ATG2B: variants seen among roughly 807,000 people sequenced by gnomAD.
ATG2B encodes the protein autophagy related 2B.
A neutral mutation model predicts 241.3 loss-of-function variants in ATG2B; 121 were observed. The observed-to-expected ratio is 0.50, with a 90% confidence interval of 0.43 to 0.58. ATG2B has a LOEUF of 0.58. ATG2B is among the 20% of genes least tolerant of loss of function. ATG2B has a pLI of 0.00. For missense variants in ATG2B, 2,306 were observed against 2,491.6 expected, an observed-to-expected ratio of 0.93 and a Z score of 1.59; for synonymous variants, 858 against 876.6, an observed-to-expected ratio of 0.98 and a Z score of 0.37.
rs1301663719 is a variant in ATG2B at position 96,341,605 on chromosome 14, C to A, written c.841G>T (p.Asp281Tyr). 1 of 1,606,320 alleles carries A rather than the reference C, an allele frequency of 6.2e-7. No individual in the cohort carries two copies. Among genetic ancestry groups the A allele is most frequent in the Non-Finnish European group, 8.5e-7 (1 of 1,175,338 alleles). The change falls in exon 6 of 42, where the codon GAC (aspartate) becomes TAC (tyrosine). Residue 281 changes from aspartate to tyrosine, a missense_variant. By Grantham distance (160) the Asp-to-Tyr change is radical (BLOSUM62 -3). Coordinates refer to ENST00000359933, the MANE Select transcript of ATG2B (RefSeq NM_018036.7). Reference sequence around the variant, plus strand: ...ATTAACCGTCCAATCTGCACTGGGTCAGAAGGTGCTATCTCTGGTAAATTT... The same window carrying A: ...ATTAACCGTCCAATCTGCACTGGGTAAGAAGGTGCTATCTCTGGTAAATTT... ...TRNLPEIAPS[D>Y]PVQIGRLIGR... is the part of the protein sequence containing the mutation.
chr14:96,292,153 A>G, intron 36 of ATG2B, 55 bp from the exon 37 acceptor site: 1 of 1,097,388 alleles, frequency 9.1e-7, no homozygotes, highest in South Asian at 1.5e-5. Context: ...AATAGGTGAA[A>G]TTAGATATAA....
Position 96,347,335 on chromosome 14 carries a change from T to C in ATG2B, c.169A>G (p.Asn57Asp), listed in dbSNP as rs896052323. The change falls in exon 2 of 42, where the codon AAT becomes GAT. Residue 57 changes from asparagine (N) to aspartate (D), a missense_variant. Transcript: ENST00000359933. ...AQVPLDKWCL[N>D]EILESADAPL... ...GCATCTGCTGACTCCAAGATCTCAT[T>C]GAGACACTAAGGAGAAAAAACAGGT... is the stretch of plus-strand genomic sequence containing the variant. 2 of 1,566,732 alleles carry C rather than the reference T, an allele frequency of 1.3e-6. No homozygotes were observed. The highest frequency in any genetic ancestry group is 8.7e-7 in the Non-Finnish European group (1 of 1,146,134).
In ATG2B at chr14:96,283,040, G is replaced by C. The variant is rs773722246; in HGVS notation, c.*2715C>G. ...AGAAGAAACACTGAGTTATCTAAAAGGCAATGTTCAGTGGTGGGCAGAAAG... is the reference window on the plus strand; with the variant it reads ...AGAAGAAACACTGAGTTATCTAAAACGCAATGTTCAGTGGTGGGCAGAAAG... On this transcript the variant is annotated 3_prime_UTR_variant, in exon 42 of 42. Coordinates refer to ENST00000359933, the MANE Select transcript of ATG2B (RefSeq NM_018036.7). The C allele has an allele frequency of 6.6e-5, 10 of 152,218 alleles. No homozygotes were observed. Among genetic ancestry groups the C allele is most frequent in the African/African-American group, 9.6e-5 (4 of 41,452 alleles). The allele number at this position is 152,218 out of a possible 1,614,324, so 9.4% of individuals were successfully genotyped here.
At chr14:96,317,491 T>C (rs1418253499) in intron 19 of ATG2B, among the ~76,000 whole-genome samples, 174 bp from the exon 20 acceptor site, 2 of 152,222 alleles carry the variant, frequency 1.3e-5, no homozygotes, top group East Asian at 3.8e-4. Flanking sequence ...GTGCACACTA[T>C]CATTCTAAAG....
chr14:96,334,327 G>A, intron 7 of ATG2B, 78 bp downstream of exon 7: 1 of 837,106 alleles, frequency 1.2e-6, no homozygotes, highest in Non-Finnish European at 1.9e-6. Flanking sequence ...TTTCCTACAT[G>A]TACATACATT....
Position 96,290,696 on chromosome 14 carries a change from A to G in ATG2B, c.5702-106T>C. 6.5e-7 allele frequency: 1 copy of G among 1,533,970 alleles called. No individual in the cohort carries two copies. Among genetic ancestry groups the G allele is most frequent in the South Asian group, 1.2e-5 (1 of 80,938 alleles). ...TAAAACTGGAGGCAAAGTTTTGTGT[A>G]TATGAGTACATATGTGAGTTTTCTA... On this transcript the variant is annotated intron_variant, in intron 39 of 41. Coordinates refer to ENST00000359933, the MANE Select transcript of ATG2B (RefSeq NM_018036.7). This position sits in a 1 kb window ranked among gnomAD's most constrained non-coding sequence, Gnocchi z 4.4.
intron 38 of ATG2B, among the ~76,000 whole-genome samples, chr14:96,291,379 C>T (rs113281550): frequency 6.6e-6 from 1 of 152,094 alleles, no homozygotes; most frequent in African/African-American, 2.4e-5. Context: ...TTAAAATATC[C>T]TAAACTATAA....
chr14:96,324,221 C>G (rs1409425262), intron 15 of ATG2B: 2 of 504,738 alleles, frequency 4.0e-6, no homozygotes, highest in Non-Finnish European at 6.9e-6. Flanking sequence ...CCAAGGTACA[C>G]TGCATAAAGT....
chr14:96,297,239 A>ACT (rs1019566723), intron 34 of ATG2B, among the ~76,000 whole-genome samples: 2 of 150,942 alleles, frequency 1.3e-5, no homozygotes, highest in African/African-American at 4.9e-5. Flanking sequence ...AAATGGTGGG[A>ACT]CTCCATGATT....
In ATG2B at chr14:96,292,097, C is replaced by T. The variant is rs759363991; in HGVS notation, c.5428G>A (p.Glu1810Lys). The T allele has an allele frequency of 1.9e-6, 3 of 1,582,336 alleles. No individual in the cohort carries two copies. The South Asian group carries it at 3.5e-5, about 18-fold the overall frequency. ...SFRDQPVFFR[E>K]FRFTSEVPIR... ...GGAACTTCTGACGTGAATCTAAATT[C>T]TCTGAAGATAAAGGAAGGAGGGAGT... Residue 1810 changes from glutamate (E) to lysine (K), a missense_variant and splice_region_variant, in exon 37 of 42, where the codon GAA (glutamate) becomes AAA (lysine). By Grantham distance (56) the Glu-to-Lys change is moderately conservative. Around this residue, in one of 2 missense-constraint regions of ATG2B, gnomAD observed 379 missense variants for 480.4 expected, o/e 0.79. Transcript: ENST00000359933.
intron 27 of ATG2B, 82 bp downstream of exon 27, chr14:96,311,460 G>C (rs2139858999): frequency 1.6e-6 from 2 of 1,287,318 alleles, no homozygotes; most frequent in Non-Finnish European, 2.2e-6. Flanking sequence ...CCAAAATTAG[G>C]TACACGGAAA....
At chr14:96,308,253 C>CATAT (rs1309788039) in intron 29 of ATG2B, among the ~76,000 whole-genome samples, 1 of 36,428 alleles carries the variant, frequency 2.7e-5, no homozygotes, top group Non-Finnish European at 4.3e-5. Context: ...TATATATATA[C>CATAT]ACACATATAT....
Position 96,308,272 on chromosome 14 carries a change from ATATATATATATTTTTT to A in ATG2B, c.4303+1165_4303+1180del, listed in dbSNP as rs1887048832. ...TATATACACACATATATATATATAT[ATATATATATATTTTTT>A]TTTTTTTTTTTTTTGAGACAGAATC... On this transcript the variant is annotated intron_variant, in intron 29 of 41. Coordinates refer to ENST00000359933, the MANE Select transcript of ATG2B (RefSeq NM_018036.7). Among the ~76,000 whole-genome samples the A allele has an allele frequency of 1.6e-3, 42 of 25,858 alleles. 1 individual carries two copies. Among genetic ancestry groups the A allele is most frequent in the African/African-American group, 3.6e-3 (15 of 4,150 alleles). The allele number at this position is 25,858 out of a possible 152,430, so 17.0% of individuals were successfully genotyped here. A position where few individuals can be genotyped will look rare whatever the true frequency, so the allele number is the denominator to read the frequency against.
chr14:96,340,486 C>G (rs1366617579), intron 6 of ATG2B, among the ~76,000 whole-genome samples: 1 of 151,790 alleles, frequency 6.6e-6, no homozygotes, highest in Non-Finnish European at 1.5e-5. Flanking sequence ...TAGGCAGGAG[C>G]TAAAAAAGGG....
intron 23 of ATG2B, among the ~76,000 whole-genome samples, chr14:96,313,911 T>C (rs1887232435): frequency 6.6e-6 from 1 of 152,192 alleles, no homozygotes; most frequent in South Asian, 2.1e-4. Context: ...TGCTTAAAAC[T>C]ATCAATCTGG....
intron 4 of ATG2B, among the ~76,000 whole-genome samples, chr14:96,344,410 TA>T (rs913799674): frequency 6.6e-6 from 1 of 152,218 alleles, no homozygotes; most frequent in African/African-American, 2.4e-5. Context: ...TGATATTAAC[TA>T]AAACAGAATA....
chr14:96,333,312 A>G (rs1887787695), intron 8 of ATG2B, among the ~76,000 whole-genome samples: 2 of 152,324 alleles, frequency 1.3e-5, no homozygotes, highest in East Asian at 1.9e-4. Flanking sequence ...TTCCTTATTA[A>G]ACTTTAGTAG....
intron 41 of ATG2B, 92 bp from the exon 42 acceptor site, chr14:96,286,077 A>G: frequency 1.1e-6 from 1 of 911,112 alleles, no homozygotes; most frequent in Non-Finnish European, 1.7e-6. Context: ...ACACTTTTAA[A>G]GCAGGTAACA....
At position 96,324,471 on chromosome 14, in the gene ATG2B, G is replaced by A. The variant is rs1054776054; in HGVS notation, c.2438-473C>T. 2.1e-4 allele frequency among the ~76,000 whole-genome samples: 32 copies of A among 152,208 alleles called. 1 individual carries two copies. The Middle Eastern group carries it at 0.01, about 49-fold the overall frequency. On this transcript the variant is annotated intron_variant, in intron 15 of 41. Coordinates refer to ENST00000359933, the MANE Select transcript of ATG2B (RefSeq NM_018036.7). ...AGGCTGAGGCAGGCGGATCACCTGA[G>A]GTCAGGAGTTAAGAGACCAGCCTCT...
Sources: gnomAD v4.1 joint callset for allele counts (sites outside exome capture counted in the v4.1 genomes callset) on GRCh38, gnomAD v4.1.1 for gene constraint, gnomAD v4.1.1 regional missense constraint, Gnocchi (gnomAD v3.1) non-coding constraint, MANE v1.5 for transcripts, NCBI Gene and HGNC (gene_info 2026-07-23, HGNC 2026-07-21) for gene names.